Variants in TANC2 observed in about 807,000 individuals in gnomAD.
TANC2 encodes the protein protein TANC2.
In TANC2, 26 loss-of-function variants were observed where a neutral mutation model predicts 210.5. That is an observed-to-expected ratio of 0.12 (90% CI 0.09 to 0.17). TANC2 has a LOEUF of 0.17. Ranked by LOEUF, TANC2 falls within the 10% of genes least tolerant of loss-of-function variation. TANC2 has a pLI of 1.00. For synonymous variants in TANC2, 931 were observed against 967.1 expected (o/e 0.96, Z 0.69); for missense variants, 2,129 against 2,608.9 (o/e 0.82, Z 4.01).
At chr17:63,231,787 T>C (rs76829001) in intron 7 of TANC2, among the ~76,000 whole-genome samples, 1,913 of 152,322 alleles carry the variant, frequency 0.013, 41 homozygotes, top group African/African-American at 0.043. Flanking sequence ...CTGTATTTAC[T>C]GAATTTGAAT....
intron 9 of TANC2, among the ~76,000 whole-genome samples, chr17:63,272,361 G>A (rs1319789360): frequency 1.3e-5 from 2 of 152,138 alleles, no homozygotes; most frequent in Middle Eastern, 3.2e-3. Flanking sequence ...TTGCAGTCCT[G>A]TAGTATAGTT....
At chr17:63,189,567 G>T (rs1175810586) in intron 5 of TANC2, among the ~76,000 whole-genome samples, 4 of 152,130 alleles carry the variant, frequency 2.6e-5, no homozygotes, top group Non-Finnish European at 5.9e-5. Context: ...TTGGTGAAAT[G>T]TCTATTCCAG....
intron 11 of TANC2, among the ~76,000 whole-genome samples, chr17:63,337,631 T>A (rs796337656): frequency 0.028 from 4,185 of 151,646 alleles, 192 homozygotes; most frequent in African/African-American, 0.095. Flanking sequence ...TTTTAAATTT[T>A]ATTTTAAGGT....
At chr17:62,972,759 C>A (rs1253921294) in intron 1 of TANC2, among the ~76,000 whole-genome samples, 2 of 152,212 alleles carry the variant, frequency 1.3e-5, no homozygotes, top group Non-Finnish European at 2.9e-5. Flanking sequence ...CCTGCCACTT[C>A]TGTCTTCAAA....
At chr17:63,411,740 C>T (rs1400870718) in intron 22 of TANC2, 54 bp downstream of exon 22, 6 of 1,556,474 alleles carry the variant, frequency 3.9e-6, no homozygotes, top group Admixed American at 1.9e-5. Context: ...TATTCTCCAT[C>T]CATACTACCT....
chr17:63,055,993 ATATATATAT>A, intron 2 of TANC2, among the ~76,000 whole-genome samples: 6 of 13,364 alleles, frequency 4.5e-4, no homozygotes, highest in Non-Finnish European at 1.0e-3. Context: ...AAAAAAAAAT[ATATATATAT>A]ATATATATAT....
intron 9 of TANC2, among the ~76,000 whole-genome samples, chr17:63,301,442 A>T (rs377548278): frequency 6.6e-6 from 1 of 152,012 alleles, no homozygotes. Context: ...CTTAATTATT[A>T]CCTCAATTTC....
intron 8 of TANC2, among the ~76,000 whole-genome samples, chr17:63,256,356 C>A (rs926241379): frequency 1.4e-4 from 21 of 152,174 alleles, no homozygotes; most frequent in African/African-American, 4.6e-4. Context: ...TCTTCATTGA[C>A]CCACTGATCA....
chr17:63,385,843 G>T (rs2047761965), intron 15 of TANC2, among the ~76,000 whole-genome samples: 2 of 152,158 alleles, frequency 1.3e-5, no homozygotes, highest in Non-Finnish European at 2.9e-5. Flanking sequence ...TGGTGTGAGG[G>T]GTTAAAACTG....
At chr17:63,242,917 C>T (rs180731261) in intron 8 of TANC2, among the ~76,000 whole-genome samples, 42 of 152,208 alleles carry the variant, frequency 2.8e-4, no homozygotes, top group South Asian at 1.0e-3. Context: ...TGTATAAAAT[C>T]CTAGAAAATG....
chr17:63,089,361 A>G (rs1405556941), intron 3 of TANC2, among the ~76,000 whole-genome samples: 1 of 152,208 alleles, frequency 6.6e-6, no homozygotes, highest in East Asian at 1.9e-4. Context: ...CTGTTAAGAT[A>G]CTTTCATTCT....
intron 7 of TANC2, among the ~76,000 whole-genome samples, chr17:63,230,615 G>A (rs907597013): frequency 1.3e-5 from 2 of 152,042 alleles, no homozygotes; most frequent in African/African-American, 2.4e-5. Context: ...TTAATCTTGA[G>A]TTCTAATTTG....
intron 7 of TANC2, among the ~76,000 whole-genome samples, chr17:63,235,966 A>G (rs954285545): frequency 6.6e-6 from 1 of 152,068 alleles, no homozygotes; most frequent in Non-Finnish European, 1.5e-5. Context: ...AGTTTATTTT[A>G]TTAAGGTACT....
intron 2 of TANC2, among the ~76,000 whole-genome samples, chr17:63,040,506 A>G (rs992903025): frequency 2.6e-5 from 4 of 152,106 alleles, no homozygotes; most frequent in Non-Finnish European, 5.9e-5. Context: ...CGAGATGTTT[A>G]CTTAAGCCAC....
chr17:63,273,662 T>G (rs1254935769), intron 9 of TANC2, among the ~76,000 whole-genome samples: 2 of 152,130 alleles, frequency 1.3e-5, no homozygotes. Flanking sequence ...AAAACAAGTT[T>G]TGTTGGCTCT....
At chr17:63,258,834 G>A (rs1015620932) in intron 8 of TANC2, among the ~76,000 whole-genome samples, 5 of 152,076 alleles carry the variant, frequency 3.3e-5, no homozygotes, top group Non-Finnish European at 5.9e-5. Flanking sequence ...TACCCCCATG[G>A]CCAAGCTGGT....
At chr17:63,398,936 C>T (rs755591384) in intron 19 of TANC2, 22 bp downstream of exon 19, 1 of 1,533,458 alleles carries the variant, frequency 6.5e-7, no homozygotes. Context: ...GGACGTTGCC[C>T]TCAAGAATGT....
chr17:63,291,842 G>A (rs974043676), intron 9 of TANC2, among the ~76,000 whole-genome samples: 1 of 152,132 alleles, frequency 6.6e-6, no homozygotes, highest in Non-Finnish European at 1.5e-5. Flanking sequence ...ATAAACAACA[G>A]TGGAATGGGA....
chr17:63,370,770 A>G (rs961691327), intron 14 of TANC2, among the ~76,000 whole-genome samples: 1 of 152,160 alleles, frequency 6.6e-6, no homozygotes, highest in African/African-American at 2.4e-5. Context: ...GTTTTCATCA[A>G]CTGGCAGATG....
Sources: allele counts gnomAD v4.1 joint callset (sites outside exome capture counted in the v4.1 genomes callset), GRCh38; gene constraint gnomAD v4.1.1; transcripts MANE v1.5; gene names NCBI Gene and HGNC (gene_info 2026-07-23, HGNC 2026-07-21).